Variants in TYW1 observed in about 807,000 individuals in gnomAD.
TYW1 encodes the protein S-adenosyl-L-methionine-dependent tRNA 4-demethylwyosine synthase TYW1.
TYW1 carries 46 observed loss-of-function variants against 96.2 expected under a neutral mutation model. That is an observed-to-expected ratio of 0.48 (90% CI 0.38 to 0.61). TYW1 has a LOEUF of 0.61. Among genes scored for constraint, TYW1 ranks in the 20% least tolerant of loss-of-function variants. The probability of loss-of-function intolerance (pLI) is 0.00; values close to 1 mark genes in which losing one functional copy is unlikely to be tolerated. For synonymous variants in TYW1, 274 were observed against 323.0 expected (o/e 0.85, Z 1.63); for missense variants, 684 against 909.6 (o/e 0.75, Z 3.19).
chr7:67,172,143 A>AT (rs1224718724), intron 13 of TYW1, among the ~76,000 whole-genome samples: 7 of 150,584 alleles, frequency 4.6e-5, no homozygotes, highest in South Asian at 4.2e-4. Flanking sequence ...CTTTTTCTCT[A>AT]TTTTTTTGCT....
intron 15 of TYW1, among the ~76,000 whole-genome samples, chr7:67,199,292 A>C (rs1800510464): frequency 6.6e-6 from 1 of 152,168 alleles, no homozygotes; most frequent in Non-Finnish European, 1.5e-5. Context: ...CTCAGATGGA[A>C]TACTGTGTTG....
intron 14 of TYW1, among the ~76,000 whole-genome samples, chr7:67,185,387 C>T (rs1246836673): frequency 6.6e-6 from 1 of 151,572 alleles, no homozygotes. Flanking sequence ...GTGGTTAGTC[C>T]AAGCAAGAGA....
chr7:67,104,716 C>CTT, intron 12 of TYW1, among the ~76,000 whole-genome samples: 1 of 152,264 alleles, frequency 6.6e-6, no homozygotes, highest in Admixed American at 6.5e-5. Flanking sequence ...CTTTTGCTCT[C>CTT]TGAGTAGCTG....
intron 13 of TYW1, among the ~76,000 whole-genome samples, chr7:67,158,384 G>T (rs117708362): frequency 0.016 from 2,450 of 152,144 alleles, 31 homozygotes; most frequent in Admixed American, 0.044. Flanking sequence ...CACCATGCCT[G>T]GCCTGCTAAG....
intron 12 of TYW1, among the ~76,000 whole-genome samples, chr7:67,113,444 C>T (rs1347231118): frequency 6.6e-6 from 1 of 152,148 alleles, no homozygotes; most frequent in East Asian, 1.9e-4. Context: ...TTTCACAGAT[C>T]ATCCGTATTC....
intron 10 of TYW1, among the ~76,000 whole-genome samples, chr7:67,078,868 A>AT (rs1240594444): frequency 6.6e-6 from 1 of 151,644 alleles, no homozygotes; most frequent in Non-Finnish European, 1.5e-5. Flanking sequence ...AACTTTTTGT[A>AT]TTTTTTTAGT....
At chr7:67,000,172 G>A (rs1357913935) in intron 3 of TYW1, among the ~76,000 whole-genome samples, 1 of 152,120 alleles carries the variant, frequency 6.6e-6, no homozygotes, top group Non-Finnish European at 1.5e-5. Flanking sequence ...TTGGGCTCAA[G>A]CAATCTGCCC....
At chr7:67,195,528 T>C (rs990260349) in intron 15 of TYW1, among the ~76,000 whole-genome samples, 191 bp downstream of exon 15, 8 of 152,182 alleles carry the variant, frequency 5.3e-5, no homozygotes, top group Non-Finnish European at 8.8e-5. Flanking sequence ...TGAAATTGCT[T>C]CTTGTTTAGC....
chr7:67,100,953 A>T (rs930389124), intron 12 of TYW1, among the ~76,000 whole-genome samples: 1 of 151,666 alleles, frequency 6.6e-6, no homozygotes, highest in African/African-American at 2.4e-5. Flanking sequence ...CTTCTGACTG[A>T]GTTAGGTCAG....
At chr7:67,062,531 A>G (rs1244222552) in intron 9 of TYW1, among the ~76,000 whole-genome samples, 4 of 140,328 alleles carry the variant, frequency 2.9e-5, no homozygotes, top group Non-Finnish European at 4.5e-5. Flanking sequence ...GATGTCACCC[A>G]GATATAGCCT....
At position 67,238,796 on chromosome 7, in the gene TYW1, G is replaced by C; in HGVS notation, c.*267G>C. On this transcript the variant is annotated 3_prime_UTR_variant, in exon 16 of 16. Transcript: ENST00000359626. ...TATTTTGGGGAGGAACTACACAGTC[G>C]TGATTAGAATTTATCTGATGGTTTT... 3.1e-6 allele frequency: 4 copies of C among 1,283,950 alleles called. No individual in the cohort carries two copies. The highest frequency in any genetic ancestry group is 4.0e-6 in the Non-Finnish European group (4 of 1,010,946). The allele number at this position is 1,283,950 out of a possible 1,614,324, so 79.5% of individuals were successfully genotyped here.
chr7:67,152,311 A>G (rs1798827592), intron 13 of TYW1, among the ~76,000 whole-genome samples: 1 of 152,220 alleles, frequency 6.6e-6, no homozygotes, highest in Admixed American at 6.5e-5. Flanking sequence ...GACTTTACTC[A>G]TGAATTGCCC....
At chr7:67,065,777 G>A (rs1454706873) in intron 9 of TYW1, among the ~76,000 whole-genome samples, 1 of 151,948 alleles carries the variant, frequency 6.6e-6, no homozygotes, top group Non-Finnish European at 1.5e-5. Flanking sequence ...TTGGGAGGTC[G>A]AGGTGGGCGG....
intron 15 of TYW1, among the ~76,000 whole-genome samples, chr7:67,237,964 CA>C (rs1801947220): frequency 6.6e-6 from 1 of 151,988 alleles, no homozygotes; most frequent in East Asian, 1.9e-4. Flanking sequence ...CGATCAAAAG[CA>C]GCAACAGCAG....
At chr7:67,014,294 T>C in intron 4 of TYW1, 73 bp from the exon 5 acceptor site, 1 of 1,515,480 alleles carries the variant, frequency 6.6e-7, no homozygotes, top group Non-Finnish European at 8.8e-7. Context: ...GTATGCTTTT[T>C]TTCAAAGGAT....
intron 3 of TYW1, among the ~76,000 whole-genome samples, chr7:67,006,438 C>CTTTTTT (rs34088521): frequency 3.5e-5 from 4 of 114,754 alleles, no homozygotes; most frequent in Non-Finnish European, 5.1e-5. Context: ...TTCTTTTTTC[C>CTTTTTT]TTTTTTTTTT....
chr7:67,163,869 A>G (rs1341385788), intron 13 of TYW1, among the ~76,000 whole-genome samples: 1 of 152,036 alleles, frequency 6.6e-6, no homozygotes, highest in Non-Finnish European at 1.5e-5. Flanking sequence ...GGGTTTCACC[A>G]TGTTGGCCAG....
chr7:67,213,016 C>T (rs1402789277), intron 15 of TYW1, among the ~76,000 whole-genome samples: 1 of 135,628 alleles, frequency 7.4e-6, no homozygotes, highest in Non-Finnish European at 1.6e-5. Flanking sequence ...GCTGGGATTA[C>T]AGGTGCCACC....
intron 12 of TYW1, among the ~76,000 whole-genome samples, chr7:67,110,168 C>T (rs1411093662): frequency 3.9e-5 from 6 of 152,138 alleles, no homozygotes; most frequent in Non-Finnish European, 5.9e-5. Context: ...GCATTAACAG[C>T]TAGGGCAGAC....
Sources: gnomAD v4.1 joint callset for allele counts (sites outside exome capture counted in the v4.1 genomes callset) on GRCh38, gnomAD v4.1.1 for gene constraint, MANE v1.5 for transcripts, NCBI Gene and HGNC (gene_info 2026-07-23, HGNC 2026-07-21) for gene names.